ZMYND8: variants seen among roughly 807,000 people sequenced by gnomAD.
The protein encoded by ZMYND8 is zinc finger MYND-type containing 8.
ZMYND8 carries 37 observed loss-of-function variants against 140.8 expected under a neutral mutation model. That is an observed-to-expected ratio of 0.26 (90% CI 0.20 to 0.35). The LOEUF (loss-of-function observed/expected upper bound fraction) is 0.35, where lower values mean the gene tolerates loss of function less well. Ranked by LOEUF, ZMYND8 falls within the 10% of genes least tolerant of loss-of-function variation. ZMYND8 has a pLI of 1.00. For synonymous variants in ZMYND8, 592 were observed against 597.1 expected (o/e 0.99, Z 0.12); for missense variants, 1,068 against 1,570.0 (o/e 0.68, Z 5.40).
chr20:47,230,160 A>T (rs764212860), intron 16 of ZMYND8, among the ~76,000 whole-genome samples: 1 of 152,220 alleles, frequency 6.6e-6, no homozygotes, highest in Non-Finnish European at 1.5e-5. Context: ...AACAAATTTC[A>T]TGGATCGCAT....
intron 21 of ZMYND8, among the ~76,000 whole-genome samples, chr20:47,218,614 C>T (rs2036468407): frequency 6.6e-6 from 1 of 152,130 alleles, no homozygotes; most frequent in African/African-American, 2.4e-5. Context: ...CTAGAGTCTG[C>T]TCAGTCTTTG....
In ZMYND8 at chr20:47,217,189, GAAA is replaced by G. The variant is rs538298224; in HGVS notation, c.3484+3066_3484+3068del. Among the ~76,000 whole-genome samples the G allele has an allele frequency of 3.3e-5, 5 of 152,020 alleles. No individual in the cohort carries two copies. In the East Asian group the frequency reaches 9.6e-4, roughly 29 times the overall value. On this transcript the variant is annotated intron_variant, in intron 21 of 22. Coordinates refer to ENST00000471951, the MANE Select transcript of ZMYND8 (RefSeq NM_001281775.3). ...AAGACAGTTAGTAGAATTGGGTGAG[GAAA>G]AAAAGGCCACATCTGCACGCTGACG...
rs188774118 is a variant in ZMYND8, at chr20:47,323,255, T to G, written c.86-13051A>C. 2.1e-3 allele frequency among the ~76,000 whole-genome samples: 326 copies of G among 152,182 alleles called. 2 individuals carry two copies. The highest frequency in any genetic ancestry group is 7.7e-3 in the African/African-American group (318 of 41,530). On this transcript the variant is annotated intron_variant, in intron 2 of 22. Coordinates refer to ENST00000471951, the MANE Select transcript of ZMYND8 (RefSeq NM_001281775.3). ...TCATTTCCCCCAACTTTTCTCTTTT[T>G]TGGGGGAGACAGGGACTCACTCTGT...
rs534857983 is a variant in ZMYND8 at position 47,210,915 on chromosome 20, T to C, written c.3569-18A>G. The C allele has an allele frequency of 4.3e-6, 7 of 1,612,162 alleles. No individual in the cohort carries two copies. In the South Asian group the frequency reaches 6.6e-5, roughly 15 times the overall value. On this transcript the variant is annotated intron_variant, in intron 22 of 22. Transcript: ENST00000471951. The stretch of plus-strand genomic sequence containing the variant: ...GGAATGGTCTGAGGGGGAAAACCAA[T>C]GTGTTTAGCGTGCCTGCCCACCTGC...
intron 2 of ZMYND8, among the ~76,000 whole-genome samples, chr20:47,322,612 T>G (rs1459509167): frequency 1.3e-5 from 2 of 151,896 alleles, no homozygotes; most frequent in African/African-American, 4.8e-5. Flanking sequence ...ATTTTCACTA[T>G]GTTGGCCAGG....
intron 9 of ZMYND8, among the ~76,000 whole-genome samples, chr20:47,282,624 C>A (rs2076675056): frequency 2.0e-5 from 3 of 151,788 alleles, no homozygotes; most frequent in Admixed American, 6.6e-5. Context: ...ACTCAAGAGG[C>A]TGAGGCAGGA....
chr20:47,349,842 T>G, intron 1 of ZMYND8: 1 of 1,516,284 alleles, frequency 6.6e-7, no homozygotes, highest in South Asian at 1.2e-5. Context: ...TATGCAGAAC[T>G]GAGCCAAAAA....
At chr20:47,338,933 C>T (rs995255535) in intron 2 of ZMYND8, among the ~76,000 whole-genome samples, 4 of 151,914 alleles carry the variant, frequency 2.6e-5, no homozygotes, top group South Asian at 2.1e-4. Context: ...CCTATCTGGT[C>T]CCGAGCCTGC....
chr20:47,249,151 G>A, intron 13 of ZMYND8, 136 bp downstream of exon 13: 1 of 1,058,148 alleles, frequency 9.5e-7, no homozygotes, highest in Non-Finnish European at 1.3e-6. Flanking sequence ...ATATATTTTA[G>A]CTGAGCAAAT....
intron 15 of ZMYND8, chr20:47,237,382 TC>T (rs1239524186): frequency 6.6e-6 from 1 of 151,640 alleles, no homozygotes; most frequent in African/African-American, 2.4e-5. Flanking sequence ...GGTCTTGAAC[TC>T]CTGGCCTCAA....
chr20:47,275,734 A>C (rs2076217275), intron 11 of ZMYND8, among the ~76,000 whole-genome samples: 1 of 151,960 alleles, frequency 6.6e-6, no homozygotes, highest in Non-Finnish European at 1.5e-5. Flanking sequence ...ATAGTCCCAG[A>C]GTAGCTAGGA....
At chr20:47,312,527 C>T (rs1454585378) in intron 2 of ZMYND8, among the ~76,000 whole-genome samples, 1 of 152,146 alleles carries the variant, frequency 6.6e-6, no homozygotes. Flanking sequence ...GAGCCCAAAG[C>T]GCTGGACCAA....
chr20:47,319,260 G>A (rs997453628), intron 2 of ZMYND8: 11 of 351,834 alleles, frequency 3.1e-5, no homozygotes, highest in Admixed American at 1.2e-4. Flanking sequence ...ACAGCAGCTC[G>A]GCTGAGCTGA....
chr20:47,342,621 G>A (rs908029072), intron 2 of ZMYND8, among the ~76,000 whole-genome samples: 4 of 151,006 alleles, frequency 2.6e-5, no homozygotes, highest in South Asian at 2.1e-4. Flanking sequence ...TGAGGCAGGC[G>A]GATTGCCTGA....
At position 47,342,605 on chromosome 20, in the gene ZMYND8, G is replaced by C. The variant is rs563628374; in HGVS notation, c.85+5251C>G. Among the ~76,000 whole-genome samples the C allele has an allele frequency of 3.6e-4, 54 of 150,876 alleles. No homozygotes were observed. The South Asian group carries it at 6.7e-3, about 19-fold the overall frequency. ...TCATGCCTGTAATCCCAGCACTTTGGGAGGCTGAGGCAGGCGGATTGCCTG... is the reference window on the plus strand; with the variant it reads ...TCATGCCTGTAATCCCAGCACTTTGCGAGGCTGAGGCAGGCGGATTGCCTG... On this transcript the variant is annotated intron_variant, in intron 2 of 22. Transcript: ENST00000471951.
At chr20:47,284,345 A>AG (rs796543547) in intron 8 of ZMYND8, among the ~76,000 whole-genome samples, 11 of 152,306 alleles carry the variant, frequency 7.2e-5, no homozygotes, top group African/African-American at 2.6e-4. Context: ...CCCCACCCAC[A>AG]GGGATCACAT....
Position 47,210,846 on chromosome 20 carries a change from C to G in ZMYND8, c.3620G>C (p.Gly1207Ala). The change falls in exon 23 of 23, where the codon GGA (glycine) becomes GCA (alanine). Residue 1207 changes from glycine (G) to alanine (A), a missense_variant. Transcript: ENST00000471951. ...GGTGTTGTGATCGGAACGTGTCGAT[C>G]CCCTCTTCTCATCACTGCTGCTCCA... ...SSWSSSDEKR[G>A]STRSDHNTST... is the part of the protein sequence containing the mutation. The G allele has an allele frequency of 6.2e-7, 1 of 1,614,074 alleles. No homozygotes were observed. Among genetic ancestry groups the G allele is most frequent in the Non-Finnish European group, 8.5e-7 (1 of 1,180,022 alleles).
intron 3 of ZMYND8, among the ~76,000 whole-genome samples, chr20:47,300,818 A>T (rs2077969237): frequency 6.6e-6 from 1 of 151,654 alleles, no homozygotes; most frequent in Non-Finnish European, 1.5e-5. Context: ...AGGCTCCAGC[A>T]ATCCTCCAGC....
chr20:47,224,184 G>A, intron 19 of ZMYND8, 133 bp downstream of exon 19: 1 of 1,435,496 alleles, frequency 7.0e-7, no homozygotes. Flanking sequence ...AGACACAATT[G>A]TTTTTGAGTG....
Sources: gnomAD v4.1 joint callset for allele counts (sites outside exome capture counted in the v4.1 genomes callset) on GRCh38, gnomAD v4.1.1 for gene constraint, MANE v1.5 for transcripts, NCBI Gene and HGNC (gene_info 2026-07-23, HGNC 2026-07-21) for gene names.